CCDC60: variants seen among roughly 807,000 people sequenced by gnomAD.
CCDC60 encodes coiled-coil domain containing 60.
In CCDC60, 54 loss-of-function variants were observed where a neutral mutation model predicts 63.5. That is an observed-to-expected ratio of 0.85 (90% CI 0.68 to 1.07). The LOEUF is 1.07. CCDC60 is among the 50% of genes least tolerant of loss of function. CCDC60 has a pLI of 0.00. For synonymous variants in CCDC60, 206 were observed against 238.8 expected, an observed-to-expected ratio of 0.86 and a Z score of 1.27; for missense variants, 651 against 684.3, an observed-to-expected ratio of 0.95 and a Z score of 0.54.
intron 6 of CCDC60, among the ~76,000 whole-genome samples, chr12:119,502,296 C>CT: frequency 6.6e-6 from 1 of 152,264 alleles, no homozygotes; most frequent in Non-Finnish European, 1.5e-5. Context: ...TTGTAAAATC[C>CT]TGGGTAGCTA....
At position 119,372,433 on chromosome 12, in the gene CCDC60, T is replaced by A. The variant is rs754777250; in HGVS notation, c.90+37167T>A. Among the ~76,000 whole-genome samples, 4 of 152,298 alleles carry A rather than the reference T, an allele frequency of 2.6e-5. No individual in the cohort carries two copies. The East Asian group carries it at 7.7e-4, about 29-fold the overall frequency. On this transcript the variant is annotated intron_variant, in intron 1 of 13. Coordinates refer to ENST00000327554, the MANE Select transcript of CCDC60 (RefSeq NM_178499.5). ...AAGAGACTGTGAGGTTTAGAGCTGA[T>A]GTATAGAACCCTAGTAACTAGGAAC... is the stretch of plus-strand genomic sequence containing the variant.
rs745931338 is a variant in CCDC60, at chr12:119,522,921, C to T, written c.1041-18C>T. On this transcript the variant is annotated intron_variant, in intron 9 of 13. Coordinates refer to ENST00000327554, the MANE Select transcript of CCDC60 (RefSeq NM_178499.5). ...AAGCAGACTCTGAGCAACTTGAAAC[C>T]ATCCTTTTGTGTTTCAGTGAGAGAT... 18 of 1,612,884 alleles carry T rather than the reference C, an allele frequency of 1.1e-5. No individual in the cohort carries two copies. In the Admixed American group the frequency reaches 1.5e-4, roughly 13 times the overall value.
intron 11 of CCDC60, 117 bp from the exon 12 acceptor site, chr12:119,528,498 G>A (rs1952752790): frequency 8.5e-7 from 1 of 1,177,248 alleles, no homozygotes; most frequent in Non-Finnish European, 1.2e-6. Context: ...TAGCTGACAG[G>A]GTTAAGAAAA....
At chr12:119,446,592 G>A (rs1014399418) in intron 2 of CCDC60, among the ~76,000 whole-genome samples, 9 of 151,970 alleles carry the variant, frequency 5.9e-5, no homozygotes, top group Admixed American at 2.6e-4. Context: ...GATACAGGAA[G>A]AAAAAAAGGG....
chr12:119,494,728 C>T (rs1951680617), intron 5 of CCDC60, among the ~76,000 whole-genome samples: 1 of 152,192 alleles, frequency 6.6e-6, no homozygotes, highest in Admixed American at 6.5e-5. Flanking sequence ...TGCCTGTAAT[C>T]CCAGCACTTT....
At chr12:119,529,618 A>G (rs564335392) in intron 12 of CCDC60, among the ~76,000 whole-genome samples, 10 of 152,304 alleles carry the variant, frequency 6.6e-5, no homozygotes, top group African/African-American at 2.4e-4. Context: ...GAGTCTTTGC[A>G]GAGTTGTTGG....
chr12:119,335,566 T>C (rs1471192567), intron 1 of CCDC60, among the ~76,000 whole-genome samples: 2 of 151,194 alleles, frequency 1.3e-5, no homozygotes, highest in African/African-American at 4.9e-5. Flanking sequence ...TGAGCATTTT[T>C]TCATGTGTTT....
At chr12:119,468,246 C>T (rs377184572) in intron 2 of CCDC60, among the ~76,000 whole-genome samples, 3 of 151,972 alleles carry the variant, frequency 2.0e-5, no homozygotes, top group Non-Finnish European at 4.4e-5. Flanking sequence ...GAGCCGAGAT[C>T]GCACCACTAC....
intron 3 of CCDC60, among the ~76,000 whole-genome samples, chr12:119,472,775 G>T (rs1195550696): frequency 6.6e-6 from 1 of 151,818 alleles, no homozygotes; most frequent in African/African-American, 2.4e-5. Context: ...TAGAGACGGG[G>T]TTTCACTGTG....
rs543330015 is a variant in CCDC60, at chr12:119,387,034, T to TCTCACACACACACACA, written c.91-41648_91-41647insTCACACACACACACAC. Reference sequence around the variant, plus strand: ...CTCCCTCCCTCCCCCTCTGTCTCTCTCACACACACACACACACACACACAC... The same window carrying TCTCACACACACACACA: ...CTCCCTCCCTCCCCCTCTGTCTCTCTCTCACACACACACACACACACACACACACACACACACACAC... On this transcript the variant is annotated intron_variant, in intron 1 of 13. Coordinates refer to ENST00000327554, the MANE Select transcript of CCDC60 (RefSeq NM_178499.5). 3.6e-4 allele frequency among the ~76,000 whole-genome samples: 38 copies of TCTCACACACACACACA among 105,448 alleles called. 1 individual carries two copies. In the East Asian group the frequency reaches 7.0e-3, roughly 19 times the overall value. The allele number at this position is 105,448 out of a possible 152,430, so 69.2% of individuals were successfully genotyped here.
chr12:119,356,131 C>G (rs1053033387), intron 1 of CCDC60, among the ~76,000 whole-genome samples: 7 of 152,190 alleles, frequency 4.6e-5, no homozygotes, highest in African/African-American at 1.7e-4. Flanking sequence ...CTAAACAGTA[C>G]AAACTCTATT....
intron 2 of CCDC60, among the ~76,000 whole-genome samples, chr12:119,431,206 T>C (rs1298765445): frequency 6.6e-6 from 1 of 150,538 alleles, no homozygotes; most frequent in Non-Finnish European, 1.5e-5. Context: ...CAGAGCCGGC[T>C]GTGTGAGAGA....
intron 3 of CCDC60, among the ~76,000 whole-genome samples, chr12:119,477,568 A>G (rs1260455436): frequency 6.6e-6 from 1 of 152,254 alleles, no homozygotes; most frequent in African/African-American, 2.4e-5. Context: ...AAGAGGTTCA[A>G]TAATTATTGG....
intron 1 of CCDC60, among the ~76,000 whole-genome samples, chr12:119,427,477 G>A (rs73406247): frequency 1.5e-3 from 228 of 152,324 alleles, no homozygotes; most frequent in African/African-American, 5.1e-3. Flanking sequence ...ATTGTGAGAT[G>A]TAAAGTTGTT....
chr12:119,519,494 G>T (rs1456572977), intron 8 of CCDC60, among the ~76,000 whole-genome samples: 3 of 135,202 alleles, frequency 2.2e-5, no homozygotes, highest in Non-Finnish European at 4.6e-5. Flanking sequence ...ACAGAGTCAT[G>T]CTCTGTTACC....
At chr12:119,353,285 G>A (rs1034601983) in intron 1 of CCDC60, among the ~76,000 whole-genome samples, 1 of 152,180 alleles carries the variant, frequency 6.6e-6, no homozygotes, top group African/African-American at 2.4e-5. Context: ...ATCCATGATA[G>A]GGAACTTCAT....
intron 9 of CCDC60, among the ~76,000 whole-genome samples, chr12:119,520,690 C>T (rs1006070098): frequency 3.9e-5 from 6 of 151,920 alleles, no homozygotes; most frequent in African/African-American, 1.5e-4. Context: ...TACAGGCATG[C>T]ACCACCATGC....
At chr12:119,427,917 G>A (rs1373268272) in intron 1 of CCDC60, among the ~76,000 whole-genome samples, 1 of 152,130 alleles carries the variant, frequency 6.6e-6, no homozygotes, top group Non-Finnish European at 1.5e-5. Flanking sequence ...GATCACTTGG[G>A]CCGAGGAGCT....
intron 2 of CCDC60, among the ~76,000 whole-genome samples, chr12:119,448,154 G>A (rs993274367): frequency 6.6e-6 from 1 of 151,524 alleles, no homozygotes; most frequent in Non-Finnish European, 1.5e-5. Flanking sequence ...TGCTTAGCAG[G>A]TAGATCCTAT....
Sources: allele counts gnomAD v4.1 joint callset (sites outside exome capture counted in the v4.1 genomes callset), GRCh38; gene constraint gnomAD v4.1.1; transcripts MANE v1.5; gene names NCBI Gene and HGNC (gene_info 2026-07-23, HGNC 2026-07-21).